Variants in LRRC4C observed in about 807,000 individuals in gnomAD.
The protein encoded by LRRC4C is leucine rich repeat containing 4C.
A neutral mutation model predicts 33.6 loss-of-function variants in LRRC4C; 5 were observed. That is an observed-to-expected ratio of 0.15 (90% CI 0.08 to 0.31). LRRC4C has a LOEUF of 0.31. Among genes scored for constraint, LRRC4C ranks in the 10% least tolerant of loss-of-function variants. The pLI is 1.00. For missense variants in LRRC4C, 560 were observed against 796.7 expected, an observed-to-expected ratio of 0.70 and a Z score of 3.58; for synonymous variants, 329 against 302.0, an observed-to-expected ratio of 1.09 and a Z score of -0.93.
intron 3 of LRRC4C, among the ~76,000 whole-genome samples, chr11:40,461,243 C>T (rs1047764526): frequency 6.6e-6 from 1 of 152,044 alleles, no homozygotes; most frequent in Non-Finnish European, 1.5e-5. Context: ...TTTGGTGGAA[C>T]CTTACAGAAA....
chr11:40,116,378 A>G, intron 6 of LRRC4C, 44 bp from the exon 7 acceptor site: 1 of 1,504,472 alleles, frequency 6.6e-7, no homozygotes. Flanking sequence ...GATTAGATTT[A>G]TTCTAAGTGT....
At chr11:41,311,772 A>G (rs1950649035) in intron 1 of LRRC4C, among the ~76,000 whole-genome samples, 1 of 152,218 alleles carries the variant, frequency 6.6e-6, no homozygotes, top group African/African-American at 2.4e-5. Flanking sequence ...ATGTAAGATA[A>G]AGCTATAAGA....
chr11:40,922,573 C>T (rs1029818884), intron 2 of LRRC4C, among the ~76,000 whole-genome samples: 1 of 152,104 alleles, frequency 6.6e-6, no homozygotes, highest in Non-Finnish European at 1.5e-5. Context: ...AGATGTGATT[C>T]GTCACCAAAA....
chr11:40,940,285 C>A (rs1484251586), intron 1 of LRRC4C, among the ~76,000 whole-genome samples: 2 of 151,984 alleles, frequency 1.3e-5, no homozygotes, highest in African/African-American at 2.4e-5. Flanking sequence ...TAGTATGTAC[C>A]AAACAAGTTT....
intron 1 of LRRC4C, among the ~76,000 whole-genome samples, chr11:40,997,337 T>C (rs1278021234): frequency 6.6e-6 from 1 of 151,964 alleles, no homozygotes; most frequent in Non-Finnish European, 1.5e-5. Context: ...AGGAGAATGA[T>C]GAGAGAGGCA....
chr11:40,369,389 G>T (rs1948352318), intron 3 of LRRC4C, among the ~76,000 whole-genome samples: 2 of 152,164 alleles, frequency 1.3e-5, no homozygotes, highest in Non-Finnish European at 2.9e-5. Context: ...TTGTTGCCCA[G>T]GCTGGAGTGC....
intron 2 of LRRC4C, among the ~76,000 whole-genome samples, chr11:40,911,006 C>A (rs772396108): frequency 5.9e-5 from 9 of 152,180 alleles, no homozygotes; most frequent in Non-Finnish European, 2.9e-5. Flanking sequence ...GGGAGGGGCG[C>A]CTGCCATTGC....
intron 2 of LRRC4C, among the ~76,000 whole-genome samples, chr11:40,872,281 C>A (rs1465965253): frequency 6.6e-6 from 1 of 151,304 alleles, no homozygotes; most frequent in Non-Finnish European, 1.5e-5. Context: ...TCAAAATAGT[C>A]CTGGCTCTCT....
chr11:40,338,327 A>G (rs1007527371), intron 3 of LRRC4C, among the ~76,000 whole-genome samples: 9 of 152,204 alleles, frequency 5.9e-5, no homozygotes, highest in Non-Finnish European at 8.8e-5. Flanking sequence ...GTCAGATCCA[A>G]TTTCTGCAGG....
chr11:40,509,837 G>T (rs1955223995), intron 3 of LRRC4C, among the ~76,000 whole-genome samples: 1 of 152,110 alleles, frequency 6.6e-6, no homozygotes, highest in South Asian at 2.1e-4. Context: ...GTGTAATCTT[G>T]CCAGTTGGCT....
At chr11:40,913,974 T>A (rs1419860100) in intron 2 of LRRC4C, among the ~76,000 whole-genome samples, 5 of 152,102 alleles carry the variant, frequency 3.3e-5, no homozygotes, top group Non-Finnish European at 5.9e-5. Flanking sequence ...CCTCGACATA[T>A]ACACCCTCCC....
At chr11:41,065,118 C>CTTGT (rs1223069607) in intron 1 of LRRC4C, among the ~76,000 whole-genome samples, 1 of 145,042 alleles carries the variant, frequency 6.9e-6, no homozygotes, top group Non-Finnish European at 1.5e-5. Context: ...TTCAGTGGAT[C>CTTGT]CCACTCCCAT....
chr11:40,656,123 T>A (rs1000067494), intron 2 of LRRC4C, among the ~76,000 whole-genome samples: 21 of 152,076 alleles, frequency 1.4e-4, no homozygotes, highest in Non-Finnish European at 4.4e-5. Flanking sequence ...TATCATGGAG[T>A]AAACTACCTC....
chr11:41,403,839 T>C (rs969069820), intron 1 of LRRC4C, among the ~76,000 whole-genome samples: 29 of 152,060 alleles, frequency 1.9e-4, no homozygotes, highest in African/African-American at 6.8e-4. Context: ...TCACATTCAA[T>C]AGAGACTTTC....
chr11:40,183,655 G>A (rs1405369051), intron 5 of LRRC4C, among the ~76,000 whole-genome samples: 2 of 152,214 alleles, frequency 1.3e-5, no homozygotes, highest in East Asian at 3.9e-4. Context: ...ACTCTGTGCA[G>A]CTTTTTTTGT....
At chr11:40,915,834 T>A (rs953198247) in intron 2 of LRRC4C, among the ~76,000 whole-genome samples, 3 of 150,038 alleles carry the variant, frequency 2.0e-5, no homozygotes, top group Admixed American at 6.7e-5. Context: ...TACAATGAAC[T>A]CAAACAAATT....
chr11:41,037,787 T>C (rs10837556), intron 1 of LRRC4C, among the ~76,000 whole-genome samples: 79,603 of 151,894 alleles, frequency 0.52, 21,443 homozygotes, highest in East Asian at 0.65. Flanking sequence ...GAGTACTTAA[T>C]TTAATCTTCC....
intron 3 of LRRC4C, among the ~76,000 whole-genome samples, chr11:40,646,151 T>C (rs1942442349): frequency 6.6e-6 from 1 of 152,010 alleles, no homozygotes; most frequent in Admixed American, 6.5e-5. Flanking sequence ...TTCACACAGG[T>C]CATTAGCAGC....
intron 2 of LRRC4C, among the ~76,000 whole-genome samples, chr11:40,916,163 G>A (rs1399530053): frequency 6.6e-6 from 1 of 152,166 alleles, no homozygotes; most frequent in Non-Finnish European, 1.5e-5. Context: ...TCTAGAACTA[G>A]AAATACCATT....
Sources: allele counts gnomAD v4.1 joint callset (sites outside exome capture counted in the v4.1 genomes callset), GRCh38; gene constraint gnomAD v4.1.1; transcripts MANE v1.5; gene names NCBI Gene and HGNC (gene_info 2026-07-23, HGNC 2026-07-21).